The following NTM variants were observed in gnomAD, a reference collection of about 807,000 sequenced individuals.
NTM encodes the protein neurotrimin.
In NTM, 13 loss-of-function variants were observed where a neutral mutation model predicts 42.1. The ratio of observed to expected loss-of-function variants is 0.31; its 90% confidence interval spans 0.20 to 0.49. The LOEUF (loss-of-function observed/expected upper bound fraction) is 0.49, where lower values mean the gene tolerates loss of function less well. Ranked by LOEUF, NTM falls within the 20% of genes least tolerant of loss-of-function variation. The pLI is 0.99. For synonymous variants in NTM, 187 were observed against 179.2 expected, an observed-to-expected ratio of 1.04 and a Z score of -0.35; for missense variants, 373 against 452.8, an observed-to-expected ratio of 0.82 and a Z score of 1.60.
At chr11:131,768,566 A>G (rs1017219908) in intron 1 of NTM, among the ~76,000 whole-genome samples, 1 of 152,216 alleles carries the variant, frequency 6.6e-6, no homozygotes, top group Admixed American at 6.5e-5. Context: ...GAGGCAGTGC[A>G]GCTGAGTAAG....
intron 1 of NTM, among the ~76,000 whole-genome samples, chr11:131,828,338 G>A (rs1370035854): frequency 6.6e-6 from 1 of 151,552 alleles, no homozygotes; most frequent in African/African-American, 2.4e-5. Context: ...TGCCAAAATT[G>A]TCACTACCAC....
chr11:131,503,936 A>G (rs1311251970), intron 1 of NTM, among the ~76,000 whole-genome samples: 3 of 152,224 alleles, frequency 2.0e-5, no homozygotes, highest in African/African-American at 7.2e-5. Context: ...ACCAACCCCT[A>G]CACTGACTAC....
chr11:132,134,617 T>C lies in NTM; in HGVS notation c.168-11665T>C, dbSNP rs180777847. Among the ~76,000 whole-genome samples the C allele has an allele frequency of 7.7e-3, 1,156 of 149,550 alleles. 14 individuals are homozygous for C. Among genetic ancestry groups the C allele is most frequent in the African/African-American group, 0.027 (1,085 of 40,768 alleles). On this transcript the variant is annotated intron_variant, in intron 2 of 8. Transcript: ENST00000683400. ...ATTTGGTTTTTCATTCCCGAGTTAC[T>C]TCACTTAGAATAATAGTCTCCAGTT...
chr11:132,155,090 G>A (rs1241908763), intron 3 of NTM, among the ~76,000 whole-genome samples: 1 of 152,094 alleles, frequency 6.6e-6, no homozygotes, highest in African/African-American at 2.4e-5. Flanking sequence ...GTGATTAATT[G>A]GGAGTCTGCA....
chr11:131,632,670 C>T (rs1292241267), intron 1 of NTM, among the ~76,000 whole-genome samples: 1 of 47,214 alleles, frequency 2.1e-5, no homozygotes, highest in Non-Finnish European at 4.8e-5. Context: ...CATGCTCGGG[C>T]AGCTTTTTTT....
At chr11:131,414,684 AC>A (rs2135780477) in intron 1 of NTM, among the ~76,000 whole-genome samples, 1 of 152,240 alleles carries the variant, frequency 6.6e-6, no homozygotes, top group African/African-American at 2.4e-5. Context: ...CATGTGATGG[AC>A]TGCTGCCAGT....
chr11:131,600,203 G>A (rs979542454), intron 1 of NTM, among the ~76,000 whole-genome samples: 9 of 152,158 alleles, frequency 5.9e-5, no homozygotes, highest in Admixed American at 5.9e-4. Context: ...GAGACACCTT[G>A]CTGTTTAATA....
chr11:132,016,727 T>C (rs1009338993), intron 2 of NTM, among the ~76,000 whole-genome samples: 2 of 152,020 alleles, frequency 1.3e-5, no homozygotes, highest in Non-Finnish European at 2.9e-5. Flanking sequence ...CAACCTTTTT[T>C]CCAAAGTGGT....
At chr11:131,605,528 A>G (rs1302815881) in intron 1 of NTM, among the ~76,000 whole-genome samples, 3 of 152,124 alleles carry the variant, frequency 2.0e-5, no homozygotes, top group Admixed American at 6.6e-5. Flanking sequence ...TTCCTCTCCA[A>G]TCTGGATGCA....
chr11:132,023,336 G>T (rs1006553207), intron 2 of NTM, among the ~76,000 whole-genome samples: 1 of 152,206 alleles, frequency 6.6e-6, no homozygotes, highest in Non-Finnish European at 1.5e-5. Context: ...CTTAATTAAA[G>T]CTGATGGCAA....
intron 1 of NTM, among the ~76,000 whole-genome samples, chr11:131,608,086 C>G (rs2137502102): frequency 6.6e-6 from 1 of 152,216 alleles, no homozygotes; most frequent in Non-Finnish European, 1.5e-5. Context: ...GTGATGTTCC[C>G]CTTCCTGTGT....
intron 7 of NTM, among the ~76,000 whole-genome samples, chr11:132,319,660 G>T (rs1017954092): frequency 1.3e-5 from 2 of 152,266 alleles, no homozygotes; most frequent in African/African-American, 2.4e-5. Flanking sequence ...AGCTCCAGGA[G>T]GCCTGCCTGC....
chr11:131,371,603 G>A lies in NTM; in HGVS notation c.82+715G>A, dbSNP rs778900711. On this transcript the variant is annotated intron_variant, in intron 1 of 8. Transcript: ENST00000683400. ...TCTGTTTATTTATCGGCTGAGCCGG[G>A]AGCCCTGGGGGCTGCAGTTGAGTGC... Among the ~76,000 whole-genome samples, 12 of 152,290 alleles carry A rather than the reference G, an allele frequency of 7.9e-5. No homozygotes were observed. The East Asian group carries it at 2.1e-3, about 27-fold the overall frequency.
At chr11:132,270,951 G>C (rs968449022) in intron 4 of NTM, among the ~76,000 whole-genome samples, 14 of 152,104 alleles carry the variant, frequency 9.2e-5, no homozygotes, top group Non-Finnish European at 5.9e-5. Context: ...ATAATTTTGT[G>C]AGTTTTGGTA....
chr11:131,697,494 T>C (rs1592603757), intron 1 of NTM, among the ~76,000 whole-genome samples: 1 of 152,368 alleles, frequency 6.6e-6, no homozygotes, highest in East Asian at 1.9e-4. Context: ...CTGAAGCTCC[T>C]GTTAGGCATG....
intron 2 of NTM, among the ~76,000 whole-genome samples, chr11:132,081,277 A>G (rs1381272228): frequency 6.6e-6 from 1 of 152,234 alleles, no homozygotes; most frequent in Non-Finnish European, 1.5e-5. Context: ...CTATGTATAC[A>G]TATTACACTA....
At chr11:132,093,551 T>C (rs1226453746) in intron 2 of NTM, among the ~76,000 whole-genome samples, 1 of 152,208 alleles carries the variant, frequency 6.6e-6, no homozygotes, top group East Asian at 1.9e-4. Context: ...CCACCCAGAA[T>C]AGCTTTCTTT....
At chr11:131,521,886 C>T (rs552138445) in intron 1 of NTM, among the ~76,000 whole-genome samples, 3 of 152,290 alleles carry the variant, frequency 2.0e-5, no homozygotes, top group Admixed American at 1.3e-4. Flanking sequence ...CTATCTGCTT[C>T]CCCCTTTGTA....
At chr11:132,111,063 C>CAAAAA (rs57458373) in intron 2 of NTM, among the ~76,000 whole-genome samples, 9 of 35,464 alleles carry the variant, frequency 2.5e-4, no homozygotes, top group African/African-American at 2.4e-4. Flanking sequence ...GGCCCTATCT[C>CAAAAA]AAAAAAAAAA....
Sources: allele counts gnomAD v4.1 joint callset (sites outside exome capture counted in the v4.1 genomes callset), GRCh38; gene constraint gnomAD v4.1.1; transcripts MANE v1.5; gene names NCBI Gene and HGNC (gene_info 2026-07-23, HGNC 2026-07-21).